The following PIBF1 variants were observed in gnomAD, a reference collection of about 807,000 sequenced individuals.
PIBF1 encodes progesterone-induced-blocking factor 1.
In PIBF1, 90 loss-of-function variants were observed where a neutral mutation model predicts 112.5. The observed-to-expected ratio is 0.80, with a 90% CI of 0.67 to 0.95. The LOEUF is 0.95. Among genes scored for constraint, PIBF1 ranks in the 40% least tolerant of loss-of-function variants. The pLI, the probability that PIBF1 is intolerant of heterozygous loss-of-function variation, is 0.00. For synonymous variants in PIBF1, 301 were observed against 288.6 expected (o/e 1.04, Z -0.44); for missense variants, 915 against 852.3 (o/e 1.07, Z -0.92).
rs892160881 is a variant in PIBF1, at chr13:72,836,851, A to G, written c.1223+1483A>G. The stretch of plus-strand genomic sequence containing the variant: ...ATTTGGCTTGCATAGATCTTTATCT[A>G]CCTGTTTGATCTTTTTTGAAAGTCT... On this transcript the variant is annotated intron_variant, in intron 9 of 17. Transcript: ENST00000326291. 2.6e-5 allele frequency among the ~76,000 whole-genome samples: 4 copies of G among 152,110 alleles called. No individual in the cohort carries two copies. The South Asian group carries it at 6.2e-4, about 24-fold the overall frequency.
chr13:73,010,784 G>C (rs928522888), intron 17 of PIBF1, among the ~76,000 whole-genome samples: 4 of 127,802 alleles, frequency 3.1e-5, no homozygotes, highest in African/African-American at 1.2e-4. Flanking sequence ...CAAATAAAAA[G>C]CTGAGCTGGA....
intron 14 of PIBF1, among the ~76,000 whole-genome samples, chr13:72,962,123 A>G (rs745443463): frequency 3.3e-5 from 5 of 152,172 alleles, no homozygotes; most frequent in Admixed American, 1.3e-4. Context: ...AGTGTAAATT[A>G]TGATACATTG....
chr13:72,939,263 T>C (rs1433755975), intron 14 of PIBF1, among the ~76,000 whole-genome samples: 1 of 152,188 alleles, frequency 6.6e-6, no homozygotes, highest in East Asian at 1.9e-4. Flanking sequence ...AGATTAACCA[T>C]TTTAAAGTAA....
rs533559357 is a variant in PIBF1, at chr13:72,814,737, TA to T, written c.673-7103del. Among the ~76,000 whole-genome samples, 24 of 150,490 alleles carry T rather than the reference TA, an allele frequency of 1.6e-4. No homozygotes were observed. The South Asian group carries it at 3.1e-3, about 20-fold the overall frequency. On this transcript the variant is annotated intron_variant, in intron 5 of 17. Transcript: ENST00000326291. ...TGTAGCCGGAAATGCCTTTATTATT[TA>T]AAAAAAAAGATGAAAAATAAATACA...
chr13:72,909,904 C>T (rs1410726905), intron 12 of PIBF1, among the ~76,000 whole-genome samples: 1 of 152,014 alleles, frequency 6.6e-6, no homozygotes, highest in Non-Finnish European at 1.5e-5. Flanking sequence ...TGTTATCTTC[C>T]TGTCTTATCC....
At chr13:72,822,566 A>G (rs2036604274) in intron 6 of PIBF1, among the ~76,000 whole-genome samples, 1 of 152,216 alleles carries the variant, frequency 6.6e-6, no homozygotes, top group Non-Finnish European at 1.5e-5. Flanking sequence ...TGCACTATAT[A>G]AACTAAGATC....
At chr13:72,821,712 A>G (rs1289442722) in intron 5 of PIBF1, 137 bp from the exon 6 acceptor site, 1 of 566,032 alleles carries the variant, frequency 1.8e-6, no homozygotes, top group Non-Finnish European at 2.9e-6. Flanking sequence ...AAAATTACTA[A>G]ATTTAAAAAT....
intron 8 of PIBF1, among the ~76,000 whole-genome samples, chr13:72,829,994 C>T (rs749856890): frequency 9.8e-5 from 15 of 152,296 alleles, no homozygotes; most frequent in Admixed American, 2.0e-4. Context: ...AGGTCCTTCA[C>T]ATCCCTTGTA....
chr13:72,848,202 A>C (rs564440709), intron 9 of PIBF1, among the ~76,000 whole-genome samples: 7 of 152,298 alleles, frequency 4.6e-5, no homozygotes, highest in South Asian at 4.1e-4. Context: ...GCTCAGACGT[A>C]TTCCTTGCAT....
chr13:72,792,964 T>C (rs899978280), intron 3 of PIBF1, among the ~76,000 whole-genome samples: 2 of 152,214 alleles, frequency 1.3e-5, no homozygotes, highest in South Asian at 2.1e-4. Flanking sequence ...ATTATACTTA[T>C]GTAACTTAAT....
At position 72,944,429 on chromosome 13, in the gene PIBF1, G is replaced by A. The variant is rs74731382; in HGVS notation, c.1833+13162G>A. 7.5e-4 allele frequency among the ~76,000 whole-genome samples: 100 copies of A among 133,056 alleles called. No homozygotes were observed. The Middle Eastern group carries it at 0.02, about 26-fold the overall frequency. 87.3% of individuals were successfully genotyped at this position (133,056 alleles called of 152,430 possible). On this transcript the variant is annotated intron_variant, in intron 14 of 17. Transcript: ENST00000326291. ...ACCACCGCAGGACTCTAGCCTAGGT[G>A]ACAGAGCAAGACTGTCTAAAAAAAA...
chr13:73,014,130 T>G (rs1361134047), intron 17 of PIBF1, among the ~76,000 whole-genome samples: 1 of 136,520 alleles, frequency 7.3e-6, no homozygotes, highest in South Asian at 2.6e-4. Flanking sequence ...CATGCCACCA[T>G]GCCCAGCTAA....
chr13:72,857,770 G>A (rs895677768), intron 10 of PIBF1, among the ~76,000 whole-genome samples: 1 of 152,120 alleles, frequency 6.6e-6, no homozygotes, highest in Non-Finnish European at 1.5e-5. Context: ...AACCTGGGAG[G>A]CAGAGGTTGC....
rs1176079981 is a variant in PIBF1 at position 73,010,810 on chromosome 13, C to CTTTTT, written c.2224-5033_2224-5029dup. Among the ~76,000 whole-genome samples the CTTTTT allele has an allele frequency of 2.6e-3, 105 of 40,310 alleles. 12 individuals are homozygous for CTTTTT. Among genetic ancestry groups the CTTTTT allele is most frequent in the African/African-American group, 3.4e-3 (36 of 10,464 alleles). 26.4% of individuals were successfully genotyped at this position (40,310 alleles called of 152,430 possible). A position where few individuals can be genotyped will look rare whatever the true frequency, so the allele number is the denominator to read the frequency against. ...CTGAGCTGGAAAATCATTAACTTTT[C>CTTTTT]TTTTTTTTTTTTTTTTTTTTTTTTT... On this transcript the variant is annotated intron_variant, in intron 17 of 17. Coordinates refer to ENST00000326291, the MANE Select transcript of PIBF1 (RefSeq NM_006346.4).
At chr13:72,944,999 A>G (rs2042112851) in intron 14 of PIBF1, among the ~76,000 whole-genome samples, 1 of 152,144 alleles carries the variant, frequency 6.6e-6, no homozygotes, top group Admixed American at 6.5e-5. Context: ...ACTGTCACCC[A>G]GGTAGTGAGC....
intron 14 of PIBF1, among the ~76,000 whole-genome samples, chr13:72,950,311 G>A (rs530281035): frequency 2.4e-4 from 36 of 151,976 alleles, no homozygotes; most frequent in African/African-American, 6.0e-4. Context: ...TTTAGACCAC[G>A]TCTTCAAAAA....
chr13:72,898,032 A>G lies in PIBF1; in HGVS notation c.1488+4083A>G, dbSNP rs149730522. Among the ~76,000 whole-genome samples the G allele has an allele frequency of 2.3e-3, 354 of 152,274 alleles. 3 individuals are homozygous for G. Among genetic ancestry groups the G allele is most frequent in the African/African-American group, 7.7e-3 (322 of 41,564 alleles). Reference sequence around the variant, plus strand: ...CACATCCTATTCAACAGCACATGGAACTTTCTCCAAGATAGACCATCTGAT... The same window carrying G: ...CACATCCTATTCAACAGCACATGGAGCTTTCTCCAAGATAGACCATCTGAT... On this transcript the variant is annotated intron_variant, in intron 11 of 17. Transcript: ENST00000326291.
At position 72,903,273 on chromosome 13, in the gene PIBF1, C is replaced by G. The variant is rs541877793; in HGVS notation, c.1489-5258C>G. Among the ~76,000 whole-genome samples the G allele has an allele frequency of 8.8e-4, 134 of 152,230 alleles. 1 individual carries two copies. Among genetic ancestry groups the G allele is most frequent in the East Asian group, 3.3e-3 (17 of 5,176 alleles). ...GATTTTTATATCTTCATTCTCCCCC[C>G]CTAGACTAAGACCTTTTTAAAAATA... is the stretch of plus-strand genomic sequence containing the variant. On this transcript the variant is annotated intron_variant, in intron 11 of 17. Coordinates refer to ENST00000326291, the MANE Select transcript of PIBF1 (RefSeq NM_006346.4).
In PIBF1 at chr13:72,835,233, C is replaced by G; in HGVS notation, c.1098-10C>G. 6.5e-7 allele frequency: 1 copy of G among 1,539,358 alleles called. No individual in the cohort carries two copies. The highest frequency in any genetic ancestry group is 8.7e-7 in the Non-Finnish European group (1 of 1,150,712). On this transcript the variant is annotated splice_polypyrimidine_tract_variant and intron_variant, in intron 8 of 17. Coordinates refer to ENST00000326291, the MANE Select transcript of PIBF1 (RefSeq NM_006346.4). ...GAAAATTTATGGTTGTTCCTTTTCA[C>G]TCCTTGCAGAGACCATTATAAAACA...
Sources: gnomAD v4.1 joint callset for allele counts (sites outside exome capture counted in the v4.1 genomes callset) on GRCh38, gnomAD v4.1.1 for gene constraint, MANE v1.5 for transcripts, NCBI Gene and HGNC (gene_info 2026-07-23, HGNC 2026-07-21) for gene names.